The following ZDBF2 variants were observed in gnomAD, a reference collection of about 807,000 sequenced individuals.
The protein encoded by ZDBF2 is DBF4-type zinc finger-containing protein 2.
Under a neutral mutation model 9.4 loss-of-function variants are expected in ZDBF2, and 6 were observed. That is an observed-to-expected ratio of 0.64 (90% CI 0.35 to 1.27). The LOEUF (loss-of-function observed/expected upper bound fraction) is 1.27. Among genes scored for constraint, ZDBF2 ranks in the 50% most tolerant of loss-of-function variants. The pLI is 0.03. For synonymous variants in ZDBF2, 905 were observed against 946.3 expected (o/e 0.96, Z 0.80); for missense variants, 2,697 against 2,766.8 (o/e 0.97, Z 0.57).
Position 206,307,750 on chromosome 2 carries a change from A to G in ZDBF2, c.3222A>G (p.Lys1074=). ...TTAATCTGAAGGACAAAAACAGTAA[A>G]TCAGGTGATTCTAAAATAACTTTTG... ...KHVNLKDKNS[K]SGDSKITFDS... is the part of the protein sequence containing the mutation. Residue 1074 remains lysine, a synonymous_variant, in exon 5 of 5, where the codon AAA becomes AAG. Transcript: ENST00000374423. 6.2e-7 allele frequency: 1 copy of G among 1,612,792 alleles called. No individual in the cohort carries two copies. The highest frequency in any genetic ancestry group is 1.7e-4 in the Middle Eastern group (1 of 6,056).
At chr2:206,298,848 A>T (rs577167723) in intron 4 of ZDBF2, among the ~76,000 whole-genome samples, 12 of 151,960 alleles carry the variant, frequency 7.9e-5, no homozygotes, top group African/African-American at 2.2e-4. Flanking sequence ...TCTCATAAGC[A>T]GTGCTTCAGC....
Position 206,306,460 on chromosome 2 carries a change from A to G in ZDBF2, c.1932A>G (p.Glu644=), listed in dbSNP as rs768621019. Residue 644 remains glutamate (E), a synonymous_variant, in exon 5 of 5, where the codon GAA becomes GAG. Coordinates refer to ENST00000374423, the MANE Select transcript of ZDBF2 (RefSeq NM_020923.3). The part of the protein sequence containing the change: ...TVADESQRAV[E]KINLLKEKNA... ...CAGATGAATCCCAGAGGGCTGTTGA[A>G]AAGATAAATCTTCTGAAGGAGAAGA... is the stretch of plus-strand genomic sequence containing the variant. 4.3e-6 allele frequency: 7 copies of G among 1,613,844 alleles called. No homozygotes were observed. The highest frequency in any genetic ancestry group is 2.2e-5 in the East Asian group (1 of 44,864).
At position 206,309,477 on chromosome 2, in the gene ZDBF2, A is replaced by G; in HGVS notation, c.4949A>G (p.Tyr1650Cys). The G allele has an allele frequency of 6.2e-7, 1 of 1,613,970 alleles. No homozygotes were observed. Among genetic ancestry groups the G allele is most frequent in the Non-Finnish European group, 8.5e-7 (1 of 1,179,880 alleles). Reference protein sequence around the residue: ...SQGPDEKMVKYIDSEDKSCGY... With the variant: ...SQGPDEKMVKCIDSEDKSCGY... ...GGACCTGATGAGAAAATGGTGAAATATATTGATTCAGAAGATAAGAGCTGT... is the reference window on the plus strand; with the variant it reads ...GGACCTGATGAGAAAATGGTGAAATGTATTGATTCAGAAGATAAGAGCTGT... Residue 1650 changes from tyrosine to cysteine, a missense_variant, in exon 5 of 5, where the codon TAT becomes TGT. Tyr to Cys is a radical substitution (Grantham distance 194). This residue lies in a region of ZDBF2 where 1,783 missense variants were observed against 1,776.5 expected (regional missense o/e 1.00). Transcript: ENST00000374423.
chr2:206,299,552 G>T (rs1692384214), intron 4 of ZDBF2, among the ~76,000 whole-genome samples: 1 of 151,904 alleles, frequency 6.6e-6, no homozygotes, highest in Admixed American at 6.6e-5. Context: ...CACACCCGTA[G>T]TCCCAGCTAC....
In ZDBF2 at chr2:206,297,243, TAGCA is replaced by T. The variant is rs1271939273; in HGVS notation, c.61-2_62del. 4 of 1,234,156 alleles carry T rather than the reference TAGCA, an allele frequency of 3.2e-6. No homozygotes were observed. Among genetic ancestry groups the T allele is most frequent in the Admixed American group, 3.5e-5 (2 of 57,302 alleles). 76.5% of individuals were successfully genotyped at this position (1,234,156 alleles called of 1,614,324 possible). A position where few individuals can be genotyped will look rare whatever the true frequency, so the allele number is the denominator to read the frequency against. ...AAATATTCCATTTCTTTTTTCTTTATAGCATTTGTTCAGTGCTCAGCACAGGAGT... is the reference window on the plus strand; with the variant it reads ...AAATATTCCATTTCTTTTTTCTTTATTTTGTTCAGTGCTCAGCACAGGAGT... On this transcript the variant is annotated splice_acceptor_variant and coding_sequence_variant, in exon 4 of 5. Transcript: ENST00000374423. LOFTEE classifies it high-confidence loss of function.
intron 4 of ZDBF2, 35 bp downstream of exon 4, chr2:206,297,408 G>A: frequency 6.4e-7 from 1 of 1,572,950 alleles, no homozygotes; most frequent in Non-Finnish European, 8.7e-7. Flanking sequence ...TTTATACGTA[G>A]TTATATGTTA....
chr2:206,313,617 G>A lies in ZDBF2; in HGVS notation c.*2024G>A, dbSNP rs1463241264. 1 of 152,110 alleles carries A rather than the reference G, an allele frequency of 6.6e-6. No homozygotes were observed. Among genetic ancestry groups the A allele is most frequent in the Non-Finnish European group, 1.5e-5 (1 of 67,984 alleles). 9.4% of individuals were successfully genotyped at this position (152,110 alleles called of 1,614,324 possible). A position where few individuals can be genotyped will look rare whatever the true frequency, so the allele number is the denominator to read the frequency against. ...ACAGTCTTTCAGTGTAAGTTTAAAAGCAAGAGATCAAATGAAAATGTGTAC... is the reference window on the plus strand; with the variant it reads ...ACAGTCTTTCAGTGTAAGTTTAAAAACAAGAGATCAAATGAAAATGTGTAC... On this transcript the variant is annotated 3_prime_UTR_variant, in exon 5 of 5. Transcript: ENST00000374423.
At chr2:206,291,697 T>C (rs1303639282) in intron 3 of ZDBF2, among the ~76,000 whole-genome samples, 2 of 152,180 alleles carry the variant, frequency 1.3e-5, no homozygotes, top group Non-Finnish European at 2.9e-5. Flanking sequence ...GTTAAACTTA[T>C]TTTGCATCTG....
chr2:206,305,194 C>A lies in ZDBF2; in HGVS notation c.666C>A (p.Asn222Lys), dbSNP rs200044367. 1,397 of 1,613,818 alleles carry A rather than the reference C, an allele frequency of 8.7e-4. 11 individuals carry two copies. The South Asian group carries it at 9.3e-3, about 11-fold the overall frequency. ...HLDSVSKCDP[N>K]KVEKYLEQPD... ...ATTCAGTTAGCAAATGTGACCCAAA[C>A]AAAGTTGAGAAATATCTTGAACAGC... Residue 222 changes from asparagine (N) to lysine (K), a missense_variant, in exon 5 of 5, where the codon AAC becomes AAA. This residue lies in a region of ZDBF2 where 910 missense variants were observed against 973.6 expected (regional missense o/e 0.93). Transcript: ENST00000374423.
intron 4 of ZDBF2, among the ~76,000 whole-genome samples, chr2:206,298,991 C>T (rs1267567376): frequency 1.3e-5 from 2 of 152,014 alleles, no homozygotes; most frequent in Non-Finnish European, 2.9e-5. Context: ...AGCAATTCTC[C>T]TGCCTCAGCC....
intron 4 of ZDBF2, among the ~76,000 whole-genome samples, chr2:206,300,963 A>G (rs1321582642): frequency 6.6e-6 from 1 of 152,212 alleles, no homozygotes; most frequent in East Asian, 1.9e-4. Context: ...ACCAATTTAT[A>G]CTCACACCAG....
chr2:206,297,554 A>G (rs1446993462), intron 4 of ZDBF2, among the ~76,000 whole-genome samples, 181 bp downstream of exon 4: 1 of 152,224 alleles, frequency 6.6e-6, no homozygotes, highest in African/African-American at 2.4e-5. Context: ...TTCACTACAG[A>G]AGATATGGAC....
Position 206,307,569 on chromosome 2 carries a change from C to T in ZDBF2, c.3041C>T (p.Pro1014Leu). Residue 1014 changes from proline (P) to leucine (L), a missense_variant, in exon 5 of 5, where the codon CCT becomes CTT. Around this residue, in one of 3 missense-constraint regions of ZDBF2, gnomAD observed 1,783 missense variants for 1,776.5 expected, o/e 1.00. Transcript: ENST00000374423. ...GTCCCTCATTATTCAGTAACTGAAC[C>T]TCAAGTAGCTGTTAACAAAATAAAC... ...SGVPHYSVTE[P>L]QVAVNKINRK... 1 of 1,613,532 alleles carries T rather than the reference C, an allele frequency of 6.2e-7. No homozygotes were observed. Among genetic ancestry groups the T allele is most frequent in the Non-Finnish European group, 8.5e-7 (1 of 1,179,680 alleles).
rs1002817400 is a variant in ZDBF2, at chr2:206,274,710, G to A, written c.-339G>A. ...GCCACGTTGCCTTGGATGCCTGCGTGAGTGGAGTCGCGACTCGGGGCCCGC... is the reference window on the plus strand; with the variant it reads ...GCCACGTTGCCTTGGATGCCTGCGTAAGTGGAGTCGCGACTCGGGGCCCGC... On this transcript the variant is annotated 5_prime_UTR_variant, in exon 1 of 5. An upstream open reading frame in the 5' UTR loses its in-frame stop. Transcript: ENST00000374423. The A allele has an allele frequency of 6.6e-6, 1 of 152,288 alleles. No individual in the cohort carries two copies. The highest frequency in any genetic ancestry group is 6.5e-5 in the Admixed American group (1 of 15,294). The allele number at this position is 152,288 out of a possible 1,614,324, so 9.4% of individuals were successfully genotyped here. A position where few individuals can be genotyped will look rare whatever the true frequency, so the allele number is the denominator to read the frequency against.
rs369975312 is a variant in ZDBF2 at position 206,306,250 on chromosome 2, T to C, written c.1722T>C (p.Tyr574=). The change falls in exon 5 of 5, where the codon TAT becomes TAC. Residue 574 remains tyrosine (Y), a synonymous_variant. Coordinates refer to ENST00000374423, the MANE Select transcript of ZDBF2 (RefSeq NM_020923.3). ...CTCATACCAGCTTGGTTGATAACTA[T>C]GGATCGAGTTGTTCTGAAACAAGTT... ...KKAHTSLVDN[Y]GSSCSETSFD... is the part of the protein sequence containing the mutation. 31 of 1,613,564 alleles carry C rather than the reference T, an allele frequency of 1.9e-5. No individual in the cohort carries two copies. In the Middle Eastern group the frequency reaches 1.2e-3, roughly 60 times the overall value.
intron 4 of ZDBF2, among the ~76,000 whole-genome samples, chr2:206,300,801 T>TC (rs1184865512): frequency 8.5e-5 from 13 of 152,262 alleles, no homozygotes; most frequent in Non-Finnish European, 4.4e-5. Flanking sequence ...TTTCACTTAT[T>TC]CAAGTATTTA....
At chr2:206,278,007 A>T (rs577863292) in intron 1 of ZDBF2, among the ~76,000 whole-genome samples, 102 of 152,224 alleles carry the variant, frequency 6.7e-4, no homozygotes, top group African/African-American at 2.4e-3. Flanking sequence ...CTATTTTATG[A>T]TAGCATTTTA....
chr2:206,288,674 A>C (rs193243107), intron 3 of ZDBF2, among the ~76,000 whole-genome samples: 15 of 152,238 alleles, frequency 9.9e-5, no homozygotes, highest in Admixed American at 2.6e-4. Context: ...TAGGTTGCCC[A>C]CAGAGCCAGG....
chr2:206,309,073 A>T lies in ZDBF2; in HGVS notation c.4545A>T (p.Gly1515=), dbSNP rs117682440. The T allele has an allele frequency of 4.3e-6, 7 of 1,613,914 alleles. No individual in the cohort carries two copies. In the East Asian group the frequency reaches 1.6e-4, roughly 36 times the overall value. ...PFQIVVNQFP[G]SVKETHLPKV... ...AAATAGTAGTTAACCAATTTCCAGG[A>T]TCAGTCAAAGAAACCCACCTTCCAA... The change falls in exon 5 of 5, where the codon GGA becomes GGT. Residue 1515 remains glycine (G), a synonymous_variant. Transcript: ENST00000374423.
Sources: allele counts gnomAD v4.1 joint callset (sites outside exome capture counted in the v4.1 genomes callset), GRCh38; gene constraint gnomAD v4.1.1; regional missense constraint gnomAD v4.1.1; transcripts MANE v1.5; gene names NCBI Gene and HGNC (gene_info 2026-07-23, HGNC 2026-07-21).